Variants in ABCC6 observed in about 807,000 individuals in gnomAD.
ABCC6 encodes the protein ATP binding cassette subfamily C member 6.
ABCC6 carries 126 observed loss-of-function variants against 169.5 expected under a neutral mutation model. That is an observed-to-expected ratio of 0.74 (90% CI 0.64 to 0.86). The LOEUF (loss-of-function observed/expected upper bound fraction) is 0.86, where lower values mean the gene tolerates loss of function less well. ABCC6 is among the 40% of genes least tolerant of loss of function. The probability of loss-of-function intolerance (pLI) is 0.00; values close to 1 mark genes in which losing one functional copy is unlikely to be tolerated. For missense variants in ABCC6, 1,733 were observed against 1,927.2 expected (o/e 0.90, Z 1.89); for synonymous variants, 752 against 814.7 (o/e 0.92, Z 1.31).
At chr16:16,183,176 T>C (rs1462975132) in intron 15 of ABCC6, among the ~76,000 whole-genome samples, 5 of 152,144 alleles carry the variant, frequency 3.3e-5, no homozygotes, top group African/African-American at 1.2e-4. Context: ...ACAAGCATGC[T>C]AGCATGCACA....
At chr16:16,175,807 A>T (rs2047259646) in intron 20 of ABCC6, 104 bp downstream of exon 20, 2 of 1,297,254 alleles carry the variant, frequency 1.5e-6, no homozygotes, top group Admixed American at 3.7e-5. Flanking sequence ...CTCTATCCAT[A>T]ATGGTTTTGG....
intron 8 of ABCC6, among the ~76,000 whole-genome samples, chr16:16,202,702 C>T (rs1046567456): frequency 4.5e-4 from 68 of 152,248 alleles, no homozygotes; most frequent in Admixed American, 4.1e-3. Flanking sequence ...CAGATGGAAC[C>T]ACCTTGCAGA....
chr16:16,198,665 A>C (rs1299781624), intron 9 of ABCC6, among the ~76,000 whole-genome samples: 1 of 151,236 alleles, frequency 6.6e-6, no homozygotes, highest in Non-Finnish European at 1.5e-5. Context: ...CCCGCGCGAC[A>C]TAGTAAGACC....
chr16:16,187,537 C>G (rs2047688556), intron 13 of ABCC6, among the ~76,000 whole-genome samples: 1 of 152,152 alleles, frequency 6.6e-6, no homozygotes, highest in South Asian at 2.1e-4. Context: ...CAAATGTTGT[C>G]CACCTGGGGG....
intron 12 of ABCC6, among the ~76,000 whole-genome samples, chr16:16,189,553 G>A (rs966476314): frequency 3.9e-5 from 6 of 151,906 alleles, no homozygotes; most frequent in African/African-American, 1.5e-4. Flanking sequence ...AAGTAGCTGG[G>A]ATTACAGGCG....
At chr16:16,194,533 G>C (rs979121156) in intron 10 of ABCC6, among the ~76,000 whole-genome samples, 1 of 152,164 alleles carries the variant, frequency 6.6e-6, no homozygotes, top group Non-Finnish European at 1.5e-5. Context: ...ATGTGGAAGT[G>C]GGGGGTAGAA....
Position 16,199,108 on chromosome 16 carries a change from C to T in ABCC6, c.1177-926G>A, listed in dbSNP as rs575737552. 4.0e-5 allele frequency among the ~76,000 whole-genome samples: 6 copies of T among 148,322 alleles called. No individual in the cohort carries two copies. In the East Asian group the frequency reaches 8.0e-4, roughly 20 times the overall value. ...AATTGAGTACAGGAGGTTGAGGCTG[C>T]AGTGAGCCATGTTGGTGCCACTGCA... On this transcript the variant is annotated intron_variant, in intron 9 of 30. Transcript: ENST00000205557.
chr16:16,198,683 T>A (rs2152279149), intron 9 of ABCC6, among the ~76,000 whole-genome samples: 1 of 151,152 alleles, frequency 6.6e-6, no homozygotes. Flanking sequence ...ACCCAAGCTC[T>A]ACAAAATACT....
At chr16:16,154,030 A>G (rs995552509) in intron 29 of ABCC6, among the ~76,000 whole-genome samples, 2 of 151,664 alleles carry the variant, frequency 1.3e-5, no homozygotes, top group Non-Finnish European at 2.9e-5. Flanking sequence ...GCTCACTGCA[A>G]CCTTCGCCTC....
chr16:16,173,219 G>A, intron 21 of ABCC6, 65 bp downstream of exon 21: 1 of 1,609,652 alleles, frequency 6.2e-7, no homozygotes, highest in South Asian at 1.1e-5. Context: ...ACATTTGGTG[G>A]GAAGACTTGG....
intron 17 of ABCC6, among the ~76,000 whole-genome samples, chr16:16,179,252 A>G (rs1057368574): frequency 5.3e-5 from 8 of 152,304 alleles, no homozygotes; most frequent in Middle Eastern, 6.8e-3. Flanking sequence ...TATCTCTTTG[A>G]GTCCAACTCT....
chr16:16,155,255 C>G (rs562493292), intron 27 of ABCC6: 4 of 607,036 alleles, frequency 6.6e-6, no homozygotes, highest in African/African-American at 3.7e-5. Flanking sequence ...CCTGATATCT[C>G]TCTCCCATCT....
At chr16:16,162,196 A>T (rs1166683516) in intron 24 of ABCC6, among the ~76,000 whole-genome samples, 1 of 152,158 alleles carries the variant, frequency 6.6e-6, no homozygotes, top group Non-Finnish European at 1.5e-5. Context: ...AGTTCTTTTT[A>T]GCAGTGTGAA....
Position 16,182,888 on chromosome 16 carries a change from G to A in ABCC6, c.1986C>T (p.Val662=), listed in dbSNP as rs760798025. ...AGGACTTCCCTGCCCCCACTGGACC[G>A]ACAACAGCCAGCAGACAGCCCTGGG... ...TVPQGCLLAV[V]GPVGAGKSSL... The change falls in exon 16 of 31, where the codon GTC becomes GTT. Residue 662 remains valine (V), a synonymous_variant. Transcript: ENST00000205557. The A allele has an allele frequency of 3.5e-5, 57 of 1,614,026 alleles. No individual in the cohort carries two copies. Among genetic ancestry groups the A allele is most frequent in the African/African-American group, 2.4e-4 (18 of 74,912 alleles).
intron 7 of ABCC6, among the ~76,000 whole-genome samples, chr16:16,204,674 G>C (rs1259482294): frequency 6.6e-6 from 1 of 152,168 alleles, no homozygotes; most frequent in East Asian, 1.9e-4. Flanking sequence ...AGAAAGGAGA[G>C]GCTGGGGCGA....
At chr16:16,201,561 AG>A (rs2048235129) in intron 9 of ABCC6, among the ~76,000 whole-genome samples, 1 of 152,140 alleles carries the variant, frequency 6.6e-6, no homozygotes, top group Admixed American at 6.5e-5. Flanking sequence ...CCCTAGGGAC[AG>A]ATCACACAAG....
At chr16:16,196,946 C>G (rs1429860928) in intron 10 of ABCC6, among the ~76,000 whole-genome samples, 1 of 152,066 alleles carries the variant, frequency 6.6e-6, no homozygotes, top group Admixed American at 6.6e-5. Flanking sequence ...ACCTACCTCA[C>G]CCCCCAAATT....
chr16:16,206,346 C>T (rs1464783030), intron 7 of ABCC6, among the ~76,000 whole-genome samples: 7 of 152,002 alleles, frequency 4.6e-5, no homozygotes, highest in East Asian at 1.9e-4. Context: ...TGGTGGAGGC[C>T]GGGCACGGTG....
chr16:16,167,200 G>A (rs1031549485), intron 22 of ABCC6, among the ~76,000 whole-genome samples: 1 of 152,188 alleles, frequency 6.6e-6, no homozygotes, highest in Non-Finnish European at 1.5e-5. Flanking sequence ...CATAACCCAA[G>A]TCAGGCCAAT....
Sources: allele counts gnomAD v4.1 joint callset (sites outside exome capture counted in the v4.1 genomes callset), GRCh38; gene constraint gnomAD v4.1.1; transcripts MANE v1.5; gene names NCBI Gene and HGNC (gene_info 2026-07-23, HGNC 2026-07-21).